THSD7B: variants seen among roughly 807,000 people sequenced by gnomAD.
The protein encoded by THSD7B is thrombospondin type 1 domain containing 7B, also known as thrombospondin type-1 domain-containing protein 7B.
In THSD7B, 138 loss-of-function variants were observed where a neutral mutation model predicts 213.6. The observed-to-expected ratio is 0.65, with a 90% CI of 0.56 to 0.74. The LOEUF is 0.74. Among genes scored for constraint, THSD7B ranks in the 30% least tolerant of loss-of-function variants. The probability of loss-of-function intolerance (pLI) is 0.00; values close to 1 mark genes in which losing one functional copy is unlikely to be tolerated. For synonymous variants in THSD7B, 742 were observed against 687.0 expected (o/e 1.08, Z -1.25); for missense variants, 1,931 against 1,991.5 (o/e 0.97, Z 0.58).
intron 11 of THSD7B, among the ~76,000 whole-genome samples, chr2:137,273,545 G>A (rs911200722): frequency 6.6e-5 from 10 of 151,960 alleles, no homozygotes; most frequent in African/African-American, 2.2e-4. Flanking sequence ...AAAATGTCCC[G>A]TGTTTCTGCT....
chr2:137,140,294 C>A (rs1159940981), intron 5 of THSD7B, among the ~76,000 whole-genome samples: 2 of 152,096 alleles, frequency 1.3e-5, no homozygotes, highest in African/African-American at 4.8e-5. Context: ...GTATAAATTA[C>A]TTCAGAAAGT....
chr2:137,493,486 ACTT>A (rs1248922622), intron 15 of THSD7B, among the ~76,000 whole-genome samples: 1 of 152,158 alleles, frequency 6.6e-6, no homozygotes, highest in African/African-American at 2.4e-5. Flanking sequence ...CCCTGCCTGC[ACTT>A]CTTACTTTAC....
chr2:137,673,587 G>A (rs949390221), intron 27 of THSD7B, among the ~76,000 whole-genome samples: 2 of 152,188 alleles, frequency 1.3e-5, no homozygotes, highest in Admixed American at 6.5e-5. Context: ...GAAAAATGTG[G>A]ATACTGTAGG....
chr2:137,511,489 A>G (rs1161408176), intron 15 of THSD7B, among the ~76,000 whole-genome samples: 1 of 152,206 alleles, frequency 6.6e-6, no homozygotes. Context: ...TTTAATAGGC[A>G]GTTAAGTTCC....
chr2:137,663,359 A>G, intron 25 of THSD7B, 24 bp from the exon 26 acceptor site: 1 of 1,511,274 alleles, frequency 6.6e-7, no homozygotes, highest in Non-Finnish European at 8.9e-7. Context: ...CTGTGTAACC[A>G]TAAAAATATT....
intron 2 of THSD7B, among the ~76,000 whole-genome samples, chr2:136,883,341 T>TAAA (rs3084745): frequency 0.036 from 5,342 of 148,944 alleles, 130 homozygotes; most frequent in Non-Finnish European, 0.046. Context: ...GTCTATTAAG[T>TAAA]AAAAAAAAAA....
intron 12 of THSD7B, among the ~76,000 whole-genome samples, chr2:137,316,629 G>A (rs1196026441): frequency 6.6e-6 from 1 of 151,996 alleles, no homozygotes; most frequent in African/African-American, 2.4e-5. Flanking sequence ...GCGGTGGTGG[G>A]TGCCTGTAGT....
intron 1 of THSD7B, among the ~76,000 whole-genome samples, chr2:136,807,084 A>T (rs1236232031): frequency 1.3e-5 from 2 of 152,136 alleles, no homozygotes; most frequent in Non-Finnish European, 2.9e-5. Context: ...TTTACATTTG[A>T]CAGCTGGCTA....
chr2:137,424,976 G>A (rs1048301911), intron 14 of THSD7B, among the ~76,000 whole-genome samples: 1 of 151,580 alleles, frequency 6.6e-6, no homozygotes, highest in Non-Finnish European at 1.5e-5. Context: ...GGAGGCTGAG[G>A]CAGGAGAATG....
At chr2:137,129,547 C>G (rs1176104135) in intron 5 of THSD7B, among the ~76,000 whole-genome samples, 1 of 151,904 alleles carries the variant, frequency 6.6e-6, no homozygotes, top group East Asian at 1.9e-4. Context: ...TCAGGTGATC[C>G]TCCTGCCTCA....
At chr2:137,615,193 TG>T (rs1682360953) in intron 17 of THSD7B, among the ~76,000 whole-genome samples, 1 of 151,942 alleles carries the variant, frequency 6.6e-6, no homozygotes, top group Non-Finnish European at 1.5e-5. Context: ...AGAGGCAGGG[TG>T]ATGAAGAAAC....
chr2:137,110,643 A>G (rs1377105825), intron 4 of THSD7B, among the ~76,000 whole-genome samples: 3 of 152,192 alleles, frequency 2.0e-5, no homozygotes. Context: ...CCTTGAAAAG[A>G]CATTCTTTTT....
rs1179670727 is a variant in THSD7B at position 137,655,558 on chromosome 2, G to A, written c.4003G>A (p.Gly1335Ser). Reference sequence around the variant, plus strand: ...CAGCCTTTCCTGCATGGTCCACAGTGGTTCAATATCTCATGCAGCTGGACG... The same window carrying A: ...CAGCCTTTCCTGCATGGTCCACAGTAGTTCAATATCTCATGCAGCTGGACG... ...IRSLSCMVHSGSISHAAGRVE... is the reference protein window; with the variant it reads ...IRSLSCMVHSSSISHAAGRVE... Residue 1335 changes from glycine (G) to serine (S), a missense_variant, in exon 22 of 28, where the codon GGT (glycine) becomes AGT (serine). By Grantham distance (56) the Gly-to-Ser change is moderately conservative. Coordinates refer to ENST00000409968, the MANE Select transcript of THSD7B (RefSeq NM_001316349.2). The A allele has an allele frequency of 1.9e-6, 3 of 1,612,702 alleles. No individual in the cohort carries two copies. Among genetic ancestry groups the A allele is most frequent in the Non-Finnish European group, 1.7e-6 (2 of 1,179,406 alleles).
chr2:136,889,208 ATAGT>A (rs1345105924), intron 2 of THSD7B, among the ~76,000 whole-genome samples: 28 of 152,222 alleles, frequency 1.8e-4, no homozygotes, highest in African/African-American at 6.8e-4. Context: ...ACAGGCTCAC[ATAGT>A]TAAAGATTTA....
chr2:137,535,550 C>G (rs567898081), intron 15 of THSD7B, among the ~76,000 whole-genome samples: 1 of 151,702 alleles, frequency 6.6e-6, no homozygotes, highest in Non-Finnish European at 1.5e-5. Flanking sequence ...GTGCTTAAGA[C>G]TTTATACCCG....
intron 12 of THSD7B, among the ~76,000 whole-genome samples, chr2:137,310,436 T>G (rs904876568): frequency 4.0e-5 from 6 of 149,090 alleles, no homozygotes; most frequent in Non-Finnish European, 8.9e-5. Flanking sequence ...TGTGAAAATT[T>G]TCTCCCATTT....
At chr2:137,245,673 C>T (rs1558971838) in intron 10 of THSD7B, among the ~76,000 whole-genome samples, 1 of 152,164 alleles carries the variant, frequency 6.6e-6, no homozygotes, top group Admixed American at 6.5e-5. Flanking sequence ...ACCATCTTCA[C>T]AACTGGATAC....
At position 136,777,630 on chromosome 2, in the gene THSD7B, T is replaced by C. The variant is rs77718396; in HGVS notation, c.-36+11943T>C. Among the ~76,000 whole-genome samples the C allele has an allele frequency of 1.7e-3, 261 of 152,286 alleles. 1 individual carries two copies. Among genetic ancestry groups the C allele is most frequent in the African/African-American group, 5.6e-3 (232 of 41,562 alleles). On this transcript the variant is annotated intron_variant, in intron 1 of 27. Transcript: ENST00000409968. ...TGATCCTGCCATTTTGATTCTCTCTTTTAAAGCTGCCAAAATAACTACTGA... is the reference window on the plus strand; with the variant it reads ...TGATCCTGCCATTTTGATTCTCTCTCTTAAAGCTGCCAAAATAACTACTGA...
chr2:136,856,497 A>T (rs1573672004), intron 1 of THSD7B, among the ~76,000 whole-genome samples: 1 of 150,156 alleles, frequency 6.7e-6, no homozygotes. Context: ...GACACAGATC[A>T]CTCCATTATA....
Sources: gnomAD v4.1 joint callset for allele counts (sites outside exome capture counted in the v4.1 genomes callset) on GRCh38, gnomAD v4.1.1 for gene constraint, MANE v1.5 for transcripts, NCBI Gene and HGNC (gene_info 2026-07-23, HGNC 2026-07-21) for gene names.